ZNF385D: variants seen among roughly 807,000 people sequenced by gnomAD.
ZNF385D encodes zinc finger protein 385D, also known as zinc finger protein 659.
ZNF385D carries 15 observed loss-of-function variants against 35.8 expected under a neutral mutation model. That is an observed-to-expected ratio of 0.42 (90% CI 0.28 to 0.64). The LOEUF is 0.64. ZNF385D is among the 30% of genes least tolerant of loss of function. ZNF385D has a pLI of 0.23. For missense variants in ZNF385D, 474 were observed against 494.6 expected, an observed-to-expected ratio of 0.96 and a Z score of 0.39; for synonymous variants, 212 against 186.8, an observed-to-expected ratio of 1.13 and a Z score of -1.10.
chr3:21,604,104 AAT>A (rs2064403433), intron 2 of ZNF385D, among the ~76,000 whole-genome samples: 1 of 152,316 alleles, frequency 6.6e-6, no homozygotes, highest in South Asian at 2.1e-4. Context: ...AAGAGTGAAA[AAT>A]ACACTTTCAC....
At chr3:22,160,130 T>G (rs978965270) in intron 3 of ZNF385D, among the ~76,000 whole-genome samples, 1 of 152,084 alleles carries the variant, frequency 6.6e-6, no homozygotes, top group African/African-American at 2.4e-5. Flanking sequence ...GTAAGCTTCC[T>G]GAGGCCTCCC....
At chr3:22,044,181 T>C (rs959106295) in intron 3 of ZNF385D, among the ~76,000 whole-genome samples, 2 of 151,788 alleles carry the variant, frequency 1.3e-5, no homozygotes, top group Non-Finnish European at 2.9e-5. Flanking sequence ...GTCACAAAAG[T>C]ACTCCTTAAA....
chr3:21,504,307 C>A (rs966352920), intron 4 of ZNF385D, among the ~76,000 whole-genome samples: 1 of 151,950 alleles, frequency 6.6e-6, no homozygotes, highest in Non-Finnish European at 1.5e-5. Context: ...GACTTGATGA[C>A]CTTTAATAAA....
chr3:22,137,699 C>T (rs921155222), intron 3 of ZNF385D, among the ~76,000 whole-genome samples: 1 of 152,048 alleles, frequency 6.6e-6, no homozygotes, highest in Admixed American at 6.5e-5. Context: ...TATGACAAAC[C>T]CACGGCCAAT....
At chr3:21,425,971 T>C (rs749868495) in intron 5 of ZNF385D, among the ~76,000 whole-genome samples, 19 of 152,324 alleles carry the variant, frequency 1.2e-4, no homozygotes, top group African/African-American at 3.4e-4. Context: ...AACTAAACTT[T>C]AGAGTCCTGA....
chr3:22,149,244 T>C (rs1056567060), intron 3 of ZNF385D, among the ~76,000 whole-genome samples: 1 of 152,208 alleles, frequency 6.6e-6, no homozygotes, highest in Non-Finnish European at 1.5e-5. Context: ...TCTATATTTA[T>C]ATACATGTTA....
At position 22,297,021 on chromosome 3, in the gene ZNF385D, C is replaced by T. The variant is rs538447656; in HGVS notation, c.106+75429G>A. Among the ~76,000 whole-genome samples, 18 of 152,198 alleles carry T rather than the reference C, an allele frequency of 1.2e-4. No individual in the cohort carries two copies. In the South Asian group the frequency reaches 3.5e-3, roughly 30 times the overall value. ...TGAGGTACAAGTATAAGTGGAGGCC[C>T]TCATACTCCCCCTGCAATTATTTAT... On this transcript the variant is annotated intron_variant, in intron 2 of 5. Transcript: ENST00000494108.
At chr3:21,560,763 G>T (rs1388742663) in intron 3 of ZNF385D, among the ~76,000 whole-genome samples, 2 of 152,164 alleles carry the variant, frequency 1.3e-5, no homozygotes, top group Non-Finnish European at 2.9e-5. Context: ...CTTTCCCCAG[G>T]TGCTCTGTCC....
At chr3:21,815,497 T>C (rs563089755) in intron 3 of ZNF385D, among the ~76,000 whole-genome samples, 16 of 152,274 alleles carry the variant, frequency 1.1e-4, no homozygotes, top group Admixed American at 9.2e-4. Context: ...ATAAAGGGGA[T>C]ATCACCACTG....
intron 3 of ZNF385D, among the ~76,000 whole-genome samples, chr3:21,554,501 A>G (rs2062667364): frequency 6.6e-6 from 1 of 152,212 alleles, no homozygotes; most frequent in Admixed American, 6.5e-5. Flanking sequence ...GATTTTTGGA[A>G]TAGTCAGTGA....
At chr3:22,178,133 A>G (rs1286908300) in intron 2 of ZNF385D, among the ~76,000 whole-genome samples, 1 of 152,096 alleles carries the variant, frequency 6.6e-6, no homozygotes, top group African/African-American at 2.4e-5. Context: ...TGGTATTTCT[A>G]CTTCTAGATC....
intron 3 of ZNF385D, among the ~76,000 whole-genome samples, chr3:22,013,997 G>C (rs762751340): frequency 4.6e-5 from 7 of 152,042 alleles, no homozygotes; most frequent in Non-Finnish European, 8.8e-5. Context: ...GAAAATCATT[G>C]GCAGGACAGA....
At chr3:22,242,656 A>G (rs937912643) in intron 2 of ZNF385D, among the ~76,000 whole-genome samples, 8 of 151,148 alleles carry the variant, frequency 5.3e-5, no homozygotes, top group Admixed American at 1.3e-4. Flanking sequence ...CATCGCAACT[A>G]AACACAGCAT....
chr3:22,095,100 T>G lies in ZNF385D; in HGVS notation c.325+73717A>C, dbSNP rs545752373. Among the ~76,000 whole-genome samples, 4 of 48,750 alleles carry G rather than the reference T, an allele frequency of 8.2e-5. 1 individual carries two copies. In the South Asian group the frequency reaches 1.7e-3, roughly 21 times the overall value. The allele number at this position is 48,750 out of a possible 152,430, so 32.0% of individuals were successfully genotyped here. On this transcript the variant is annotated intron_variant, in intron 3 of 5. Transcript: ENST00000494108. ...TTTTTCATTCTTTCTTTTTTTTTTT[T>G]TTTTTGTAGAGATGGGGGGTCTCAG...
chr3:22,243,516 T>C (rs1699605117), intron 2 of ZNF385D, among the ~76,000 whole-genome samples: 1 of 151,058 alleles, frequency 6.6e-6, no homozygotes, highest in African/African-American at 2.5e-5. Flanking sequence ...AGCAAGGGAA[T>C]AAGATGCTAA....
intron 3 of ZNF385D, among the ~76,000 whole-genome samples, chr3:21,981,839 T>C (rs533947381): frequency 1.3e-5 from 2 of 152,194 alleles, no homozygotes; most frequent in Non-Finnish European, 2.9e-5. Flanking sequence ...CCATTACTTG[T>C]TTTTGTCAGC....
At chr3:21,755,821 T>C (rs80231689), upstream of ZNF385D, among the ~76,000 whole-genome samples, 17,132 of 152,214 alleles carry the variant, frequency 0.11, 1,393 homozygotes, top group East Asian at 0.41. Flanking sequence ...GCCTATCATG[T>C]GCCAGGCATT....
intron 3 of ZNF385D, among the ~76,000 whole-genome samples, chr3:22,082,619 G>A (rs1700811453): frequency 1.3e-5 from 2 of 152,148 alleles, no homozygotes; most frequent in African/African-American, 4.8e-5. Flanking sequence ...CACCTCTAGG[G>A]GCAGGGCATA....
intron 3 of ZNF385D, among the ~76,000 whole-genome samples, chr3:21,969,892 G>T (rs679835): frequency 0.14 from 20,664 of 152,096 alleles, 3,381 homozygotes; most frequent in African/African-American, 0.39. Context: ...TGATAGTAAG[G>T]GAGCAGAACA....
Sources: allele counts gnomAD v4.1 joint callset (sites outside exome capture counted in the v4.1 genomes callset), GRCh38; gene constraint gnomAD v4.1.1; transcripts MANE v1.5; gene names NCBI Gene and HGNC (gene_info 2026-07-23, HGNC 2026-07-21).